The following KIAA1217 variants were observed in gnomAD, a reference collection of about 807,000 sequenced individuals.
KIAA1217 encodes the protein sickle tail protein homolog.
KIAA1217 carries 88 observed loss-of-function variants against 163.9 expected under a neutral mutation model. That is an observed-to-expected ratio of 0.54 (90% confidence interval 0.45 to 0.64). The LOEUF (loss-of-function observed/expected upper bound fraction) is 0.64, where lower values mean the gene tolerates loss of function less well. Among genes scored for constraint, KIAA1217 ranks in the 30% least tolerant of loss-of-function variants. The pLI is 0.00. For synonymous variants in KIAA1217, 903 were observed against 923.1 expected, an observed-to-expected ratio of 0.98 and a Z score of 0.39; for missense variants, 2,372 against 2,475.0, an observed-to-expected ratio of 0.96 and a Z score of 0.88.
At chr10:23,766,063 G>C (rs1834503293) in intron 1 of KIAA1217, among the ~76,000 whole-genome samples, 1 of 152,216 alleles carries the variant, frequency 6.6e-6, no homozygotes, top group Non-Finnish European at 1.5e-5. Flanking sequence ...TAACAAGGTA[G>C]AGAGTTGCTG....
chr10:24,205,409 A>C (rs1173772918), upstream of KIAA1217, among the ~76,000 whole-genome samples: 1 of 150,244 alleles, frequency 6.7e-6, no homozygotes, highest in Non-Finnish European at 1.5e-5. Context: ...CTCGAGGCAG[A>C]GGTTGCAGTG....
intron 1 of KIAA1217, among the ~76,000 whole-genome samples, chr10:23,885,724 C>T (rs1032589567): frequency 2.0e-5 from 3 of 151,872 alleles, no homozygotes; most frequent in Non-Finnish European, 4.4e-5. Flanking sequence ...GAGCCAGGGA[C>T]ACGTGGCAGT....
intron 2 of KIAA1217, among the ~76,000 whole-genome samples, chr10:24,282,823 C>CTTTTTTTTT: frequency 2.2e-5 from 1 of 46,278 alleles, no homozygotes; most frequent in African/African-American, 8.8e-5. Flanking sequence ...GGTGTTGCTT[C>CTTTTTTTTT]TTTTTTTTTT....
chr10:23,934,678 C>T (rs1389993058), intron 1 of KIAA1217, among the ~76,000 whole-genome samples: 1 of 142,112 alleles, frequency 7.0e-6, no homozygotes, highest in Non-Finnish European at 1.5e-5. Context: ...AGTGCAGTGG[C>T]ACAATTTCGG....
At chr10:24,377,809 T>A (rs1257829935) in intron 2 of KIAA1217, among the ~76,000 whole-genome samples, 2 of 152,224 alleles carry the variant, frequency 1.3e-5, no homozygotes, top group Admixed American at 1.3e-4. Flanking sequence ...TATGAATATG[T>A]GAGCATCCTA....
chr10:24,493,896 G>T (rs563339126), intron 6 of KIAA1217, among the ~76,000 whole-genome samples: 1 of 152,272 alleles, frequency 6.6e-6, no homozygotes, highest in African/African-American at 2.4e-5. Context: ...CTGACCTCAG[G>T]TGATCTGCCC....
chr10:23,850,094 C>A (rs892739171), intron 1 of KIAA1217, among the ~76,000 whole-genome samples: 1 of 151,980 alleles, frequency 6.6e-6, no homozygotes, highest in East Asian at 1.9e-4. Flanking sequence ...GCCTTTACAA[C>A]GAATGCCTGA....
At position 24,533,050 on chromosome 10, in the gene KIAA1217, G is replaced by C. The variant is rs1455205976; in HGVS notation, c.3247-20G>C. 1 of 1,597,728 alleles carries C rather than the reference G, an allele frequency of 6.3e-7. No homozygotes were observed. ...CCTAGGAGATGTTAAACCACTATCT[G>C]TTGTTTCAATCTCCCACAGGCAAGC... On this transcript the variant is annotated intron_variant, in intron 15 of 20. Transcript: ENST00000376454.
chr10:23,998,120 A>T (rs1045580358), intron 1 of KIAA1217, among the ~76,000 whole-genome samples: 1 of 151,940 alleles, frequency 6.6e-6, no homozygotes, highest in African/African-American at 2.4e-5. Context: ...TTCAAACATT[A>T]GTAAATTCAC....
chr10:24,463,028 C>T (rs1176823384), intron 5 of KIAA1217, among the ~76,000 whole-genome samples: 1 of 152,106 alleles, frequency 6.6e-6, no homozygotes, highest in African/African-American at 2.4e-5. Flanking sequence ...TTATTTGTAC[C>T]ATCTGTTGCA....
chr10:24,338,815 A>G (rs756316335), intron 2 of KIAA1217, among the ~76,000 whole-genome samples: 5 of 152,184 alleles, frequency 3.3e-5, no homozygotes, highest in Non-Finnish European at 7.3e-5. Flanking sequence ...TTATTATTAT[A>G]TGGATAACTT....
chr10:24,207,781 A>G (rs1395451528), upstream of KIAA1217, among the ~76,000 whole-genome samples: 4 of 152,146 alleles, frequency 2.6e-5, no homozygotes, highest in African/African-American at 9.7e-5. Context: ...TTTGGCCTAC[A>G]TCCTTTGTCT....
chr10:23,706,064 C>A (rs1836865607), intron 1 of KIAA1217, among the ~76,000 whole-genome samples: 1 of 151,958 alleles, frequency 6.6e-6, no homozygotes, highest in African/African-American at 2.4e-5. Context: ...TTGTTCATTG[C>A]TAGTATATGA....
intron 2 of KIAA1217, among the ~76,000 whole-genome samples, chr10:24,198,610 C>G (rs1431371338): frequency 6.7e-6 from 1 of 150,260 alleles, no homozygotes; most frequent in Admixed American, 6.7e-5. Flanking sequence ...AGCATTTACT[C>G]AGGATCTGTG....
At chr10:23,777,019 T>A (rs2130893258) in intron 1 of KIAA1217, among the ~76,000 whole-genome samples, 1 of 152,298 alleles carries the variant, frequency 6.6e-6, no homozygotes, top group East Asian at 1.9e-4. Flanking sequence ...AAGCATAGCC[T>A]GTGTTTTCCA....
intron 1 of KIAA1217, among the ~76,000 whole-genome samples, chr10:23,987,484 T>C (rs1380249893): frequency 2.0e-5 from 3 of 152,244 alleles, no homozygotes; most frequent in African/African-American, 7.2e-5. Context: ...AATTTCATTA[T>C]TTATTCACTT....
chr10:23,871,247 C>T (rs140771162), intron 1 of KIAA1217, among the ~76,000 whole-genome samples: 91 of 152,190 alleles, frequency 6.0e-4, no homozygotes, highest in Non-Finnish European at 1.1e-3. Context: ...TGAATATCTG[C>T]TGAAGAGTCA....
At chr10:23,705,446 G>T (rs2130718793) in intron 1 of KIAA1217, among the ~76,000 whole-genome samples, 1 of 152,176 alleles carries the variant, frequency 6.6e-6, no homozygotes, top group South Asian at 2.1e-4. Context: ...GTGAGGAAGG[G>T]ATTCAACTTT....
chr10:24,340,950 T>C (rs1463477945), intron 2 of KIAA1217, among the ~76,000 whole-genome samples: 4 of 151,610 alleles, frequency 2.6e-5, no homozygotes, highest in South Asian at 2.1e-4. Flanking sequence ...CGCTTGTAAA[T>C]GTGTCTGACA....
Sources: gnomAD v4.1 joint callset for allele counts (sites outside exome capture counted in the v4.1 genomes callset) on GRCh38, gnomAD v4.1.1 for gene constraint, MANE v1.5 for transcripts, NCBI Gene and HGNC (gene_info 2026-07-23, HGNC 2026-07-21) for gene names.